ROS1: variants seen among roughly 807,000 people sequenced by gnomAD.
The protein encoded by ROS1 is ROS proto-oncogene 1, receptor tyrosine kinase, also known as proto-oncogene tyrosine-protein kinase ROS.
In ROS1, 263 loss-of-function variants were observed where a neutral mutation model predicts 273.5. The observed-to-expected ratio is 0.96, with a 90% confidence interval of 0.87 to 1.06. The LOEUF is 1.06. Ranked by LOEUF, ROS1 falls within the 50% of genes least tolerant of loss-of-function variation. The pLI is 0.00. For synonymous variants in ROS1, 1,008 were observed against 954.1 expected (o/e 1.06, Z -1.04); for missense variants, 2,833 against 2,751.1 (o/e 1.03, Z -0.67).
chr6:117,291,852 A>G lies in ROS1; in HGVS notation c.6716-3050T>C, dbSNP rs973044077. 3.3e-5 allele frequency among the ~76,000 whole-genome samples: 5 copies of G among 152,178 alleles called. No individual in the cohort carries two copies. The East Asian group carries it at 9.6e-4, about 29-fold the overall frequency. Reference sequence around the variant, plus strand: ...TCATAGATGAACTATGCAATGCAAAATGGTGAAAAGATTTTCTCAAGGGTC... The same window carrying G: ...TCATAGATGAACTATGCAATGCAAAGTGGTGAAAAGATTTTCTCAAGGGTC... On this transcript the variant is annotated intron_variant, in intron 43 of 43. Coordinates refer to ENST00000368507, the MANE Select transcript of ROS1 (RefSeq NM_001378902.1).
intron 24 of ROS1, 101 bp from the exon 25 acceptor site, chr6:117,358,110 A>C: frequency 1.2e-5 from 9 of 730,816 alleles, no homozygotes; most frequent in Non-Finnish European, 1.8e-5. Context: ...TGCACTTCTC[A>C]TTTGTAATCC....
intron 5 of ROS1, among the ~76,000 whole-genome samples, chr6:117,406,218 A>G (rs114686321): frequency 2.3e-3 from 350 of 152,220 alleles, no homozygotes; most frequent in African/African-American, 7.9e-3. Context: ...ATGCAAATAT[A>G]TATGTTTATT....
rs372925583 is a variant in ROS1 at position 117,389,410 on chromosome 6, G to A, written c.1726C>T (p.Leu576=). Residue 576 remains leucine (L), a synonymous_variant, in exon 13 of 44, where the codon CTG becomes TTG. Coordinates refer to ENST00000368507, the MANE Select transcript of ROS1 (RefSeq NM_001378902.1). ...LPGRPQELSV[L]FGSHQALVQW... ...ACAAGAGCCTGGTGAGAGCCAAACA[G>A]CACCGAAAGCTCCTGCGGGCGGCCT... 6.2e-7 allele frequency: 1 copy of A among 1,614,172 alleles called. No homozygotes were observed. Among genetic ancestry groups the A allele is most frequent in the South Asian group, 1.1e-5 (1 of 91,082 alleles).
intron 15 of ROS1, 151 bp downstream of exon 15, chr6:117,386,738 A>G: frequency 2.1e-6 from 1 of 472,890 alleles, no homozygotes. Context: ...TTTTCTTAAC[A>G]GAATCACTGG....
At chr6:117,375,979 CA>C (rs780717173) in intron 18 of ROS1, among the ~76,000 whole-genome samples, 46 of 151,264 alleles carry the variant, frequency 3.0e-4, no homozygotes, top group Non-Finnish European at 5.6e-4. Flanking sequence ...CCTTTCTTTT[CA>C]ATCTAAAAAG....
At chr6:117,369,540 C>T (rs1780571165) in intron 18 of ROS1, among the ~76,000 whole-genome samples, 1 of 151,892 alleles carries the variant, frequency 6.6e-6, no homozygotes, top group Admixed American at 6.6e-5. Context: ...CGCCACTGCA[C>T]CAGCCTGGGC....
In ROS1 at chr6:117,394,671, A is replaced by G. The variant is rs1282955988; in HGVS notation, c.951T>C (p.His317=). The change falls in exon 10 of 44, where the codon CAT becomes CAC. Residue 317 remains histidine, a synonymous_variant. Coordinates refer to ENST00000368507, the MANE Select transcript of ROS1 (RefSeq NM_001378902.1). The part of the protein sequence containing the change: ...KTSLRKRSLK[H]LVDEAHCLRL... Reference sequence around the variant, plus strand: ...GAAGGCAATGTGCTTCATCTACTAAATGTTTTAAAGATCTCTTTCTTAGAG... The same window carrying G: ...GAAGGCAATGTGCTTCATCTACTAAGTGTTTTAAAGATCTCTTTCTTAGAG... The G allele has an allele frequency of 6.2e-7, 1 of 1,612,036 alleles. No individual in the cohort carries two copies. The highest frequency in any genetic ancestry group is 2.2e-5 in the East Asian group (1 of 44,850).
intron 18 of ROS1, among the ~76,000 whole-genome samples, chr6:117,374,945 A>G (rs1781187463): frequency 6.6e-6 from 1 of 152,248 alleles, no homozygotes; most frequent in Admixed American, 6.5e-5. Flanking sequence ...CAGTCCCACT[A>G]TTGGGTATCC....
chr6:117,308,997 A>G (rs2128546661), intron 41 of ROS1, 69 bp from the exon 42 acceptor site: 2 of 1,500,548 alleles, frequency 1.3e-6, no homozygotes, highest in South Asian at 1.2e-5. Flanking sequence ...AGTTTCTCCA[A>G]CAACATTTTT....
chr6:117,381,183 G>GTTTTT (rs752612391), intron 17 of ROS1, among the ~76,000 whole-genome samples: 7 of 118,534 alleles, frequency 5.9e-5, no homozygotes, highest in African/African-American at 2.1e-4. Context: ...GCAGAGGACT[G>GTTTTT]TTTTTTTTTT....
In ROS1 at chr6:117,341,295, G is replaced by C. The variant is rs1441413725; in HGVS notation, c.4901C>G (p.Ser1634Cys). The change falls in exon 31 of 44, where the codon TCT (serine) becomes TGT (cysteine). Residue 1634 changes from serine to cysteine, a missense_variant. By Grantham distance (112) the Ser-to-Cys change is moderately radical. Coordinates refer to ENST00000368507, the MANE Select transcript of ROS1 (RefSeq NM_001378902.1). ...IYVLKVLACH[S>C]EEMWCTESHP... The stretch of plus-strand genomic sequence containing the variant: ...ACTCTCTGTACACCACATTTCCTCA[G>C]AGTGGCAGGCAAGAACCTTTTGGTA... 10 of 1,613,044 alleles carry C rather than the reference G, an allele frequency of 6.2e-6. No individual in the cohort carries two copies. Among genetic ancestry groups the C allele is most frequent in the Middle Eastern group, 3.3e-4 (2 of 6,070 alleles).
chr6:117,389,198 T>C, intron 13 of ROS1, 152 bp downstream of exon 13: 2 of 809,382 alleles, frequency 2.5e-6, no homozygotes, highest in South Asian at 1.8e-5. Flanking sequence ...GCAGAACAAA[T>C]GTATAAACTT....
chr6:117,408,792 C>T (rs1250391013), intron 5 of ROS1, among the ~76,000 whole-genome samples: 4 of 151,998 alleles, frequency 2.6e-5, no homozygotes, highest in South Asian at 2.1e-4. Flanking sequence ...CTATTCACAA[C>T]AGCAAAGACT....
chr6:117,402,698 G>C (rs748697249), intron 7 of ROS1, among the ~76,000 whole-genome samples: 1 of 152,054 alleles, frequency 6.6e-6, no homozygotes, highest in African/African-American at 2.4e-5. Flanking sequence ...GACCAGCCTG[G>C]CCAGCATGGT....
chr6:117,332,026 T>C (rs1777110369), intron 32 of ROS1, among the ~76,000 whole-genome samples: 1 of 152,182 alleles, frequency 6.6e-6, no homozygotes, highest in South Asian at 2.1e-4. Context: ...AATGCCCCAA[T>C]TAAAAGATAC....
intron 43 of ROS1, among the ~76,000 whole-genome samples, chr6:117,291,687 G>A (rs568400186): frequency 2.9e-4 from 44 of 152,274 alleles, no homozygotes; most frequent in Admixed American, 2.7e-3. Context: ...AAGATTTAAT[G>A]AGTTAACCTA....
intron 43 of ROS1, among the ~76,000 whole-genome samples, chr6:117,300,077 C>A (rs1582548371): frequency 7.9e-6 from 1 of 127,318 alleles, no homozygotes; most frequent in South Asian, 2.6e-4. Context: ...CGCCCGCCAC[C>A]AGGACAGGCT....
chr6:117,389,824 C>T lies in ROS1; in HGVS notation c.1312G>A (p.Asp438Asn). ...YNGYVFYLLRDGIYRADLPVP... is the reference protein window; with the variant it reads ...YNGYVFYLLRNGIYRADLPVP... ...GGAAGGTCTGCTCTATAAATGCCAT[C>T]TCTCAGGAGGTAAAAGACATACCTG... Residue 438 changes from aspartate to asparagine, a missense_variant, in exon 13 of 44, where the codon GAT becomes AAT. Asp to Asn is a conservative substitution (Grantham distance 23). Coordinates refer to ENST00000368507, the MANE Select transcript of ROS1 (RefSeq NM_001378902.1). The T allele has an allele frequency of 6.2e-7, 1 of 1,609,318 alleles. No homozygotes were observed. The highest frequency in any genetic ancestry group is 1.7e-4 in the Middle Eastern group (1 of 6,050).
At chr6:117,359,612 A>AT (rs766749666) in intron 24 of ROS1, among the ~76,000 whole-genome samples, 197 bp downstream of exon 24, 6 of 152,124 alleles carry the variant, frequency 3.9e-5, no homozygotes, top group Non-Finnish European at 7.4e-5. Flanking sequence ...CCCAATAACT[A>AT]TTTGCTAACT....
Sources: gnomAD v4.1 joint callset for allele counts (sites outside exome capture counted in the v4.1 genomes callset) on GRCh38, gnomAD v4.1.1 for gene constraint, MANE v1.5 for transcripts, NCBI Gene and HGNC (gene_info 2026-07-23, HGNC 2026-07-21) for gene names.